Variants in TMEM181 observed in about 807,000 individuals in gnomAD.
TMEM181 encodes transmembrane protein 181, also known as G protein-coupled receptor 178.
A neutral mutation model predicts 71.9 loss-of-function variants in TMEM181; 39 were observed. That is an observed-to-expected ratio of 0.54 (90% CI 0.42 to 0.71). TMEM181 has a LOEUF of 0.71. TMEM181 is among the 30% of genes least tolerant of loss of function. The pLI is 0.00. For synonymous variants in TMEM181, 245 were observed against 228.8 expected, an observed-to-expected ratio of 1.07 and a Z score of -0.64; for missense variants, 595 against 583.0, an observed-to-expected ratio of 1.02 and a Z score of -0.21.
At chr6:158,537,275 CCG>C (rs1288783015) in intron 1 of TMEM181, among the ~76,000 whole-genome samples, 1 of 152,086 alleles carries the variant, frequency 6.6e-6, no homozygotes, top group Non-Finnish European at 1.5e-5. Flanking sequence ...GGGGAGGCGA[CCG>C]CGCGCGCTGC....
chr6:158,601,747 A>G (rs1309450428), intron 6 of TMEM181, among the ~76,000 whole-genome samples: 3 of 150,704 alleles, frequency 2.0e-5, no homozygotes, highest in Non-Finnish European at 4.4e-5. Context: ...TGGCAGAGCA[A>G]GACTGTCTCA....
intron 7 of TMEM181, among the ~76,000 whole-genome samples, chr6:158,605,974 C>G (rs921599188): frequency 6.6e-6 from 1 of 152,190 alleles, no homozygotes; most frequent in Non-Finnish European, 1.5e-5. Flanking sequence ...GGCGTTCTGC[C>G]TGCATCAGCT....
intron 1 of TMEM181, among the ~76,000 whole-genome samples, chr6:158,563,988 G>A (rs938560130): frequency 2.6e-5 from 4 of 152,214 alleles, no homozygotes; most frequent in Admixed American, 2.6e-4. Flanking sequence ...ATGTTGGCCA[G>A]GCTGGTCTTG....
At position 158,585,366 on chromosome 6, in the gene TMEM181, A is replaced by G. The variant is rs371922418; in HGVS notation, c.322A>G (p.Thr108Ala). The stretch of plus-strand genomic sequence containing the variant: ...AGTCGATGGTGTAGCTCAAGATGGA[A>G]CCACGATGTACATTCATAACAAAGT... ...VKVDGVAQDG[T>A]TMYIHNKVHN... is the part of the protein sequence containing the mutation. The change falls in exon 5 of 17, where the codon ACC (threonine) becomes GCC (alanine). Residue 108 changes from threonine to alanine, a missense_variant. Thr to Ala is a moderately conservative substitution (Grantham distance 58). Coordinates refer to ENST00000684151, the MANE Select transcript of TMEM181 (RefSeq NM_001376852.1). 3.7e-6 allele frequency: 6 copies of G among 1,612,380 alleles called. No homozygotes were observed. The highest frequency in any genetic ancestry group is 5.1e-6 in the Non-Finnish European group (6 of 1,179,728).
intron 6 of TMEM181, among the ~76,000 whole-genome samples, chr6:158,591,147 A>C (rs1784087535): frequency 6.6e-6 from 1 of 152,162 alleles, no homozygotes; most frequent in Admixed American, 6.5e-5. Flanking sequence ...GCTGTTGTGA[A>C]CTACACAAAA....
chr6:158,599,279 C>T (rs769937530), intron 6 of TMEM181, among the ~76,000 whole-genome samples: 5 of 152,254 alleles, frequency 3.3e-5, no homozygotes, highest in Admixed American at 1.3e-4. Flanking sequence ...GATGGATGGG[C>T]GCATGGGAGA....
At position 158,620,176 on chromosome 6, in the gene TMEM181, T is replaced by C. The variant is rs1785876303; in HGVS notation, c.897-3374T>C. Reference sequence around the variant, plus strand: ...AGCCCAGAGGGGAGGCGTGGGAATGTGGGATGGTTTGGCACCATGTGGGCT... The same window carrying C: ...AGCCCAGAGGGGAGGCGTGGGAATGCGGGATGGTTTGGCACCATGTGGGCT... On this transcript the variant is annotated intron_variant, in intron 10 of 16. Transcript: ENST00000684151. The surrounding 1 kb of genome is among the most constrained non-coding windows in gnomAD (Gnocchi z 4.5). Among the ~76,000 whole-genome samples the C allele has an allele frequency of 6.6e-6, 1 of 152,062 alleles. No homozygotes were observed. The highest frequency in any genetic ancestry group is 1.5e-5 in the Non-Finnish European group (1 of 67,988).
intron 10 of TMEM181, among the ~76,000 whole-genome samples, chr6:158,611,976 A>ACC (rs55849301): frequency 0.027 from 3,506 of 130,218 alleles, 55 homozygotes; most frequent in Non-Finnish European, 0.039. Context: ...CTGCAGGGAT[A>ACC]CCCCCCCCAC....
At chr6:158,557,224 A>AT (rs1781928002), upstream of TMEM181, among the ~76,000 whole-genome samples, 4 of 152,126 alleles carry the variant, frequency 2.6e-5, no homozygotes, top group Admixed American at 2.6e-4. Context: ...AAAATACAAA[A>AT]TTAGCTGGTT....
chr6:158,550,292 G>A (rs945835995), intron 1 of TMEM181, among the ~76,000 whole-genome samples: 9 of 151,538 alleles, frequency 5.9e-5, no homozygotes, highest in Middle Eastern at 6.8e-3. Flanking sequence ...TGATCTGCCC[G>A]CCATGGCCTC....
intron 15 of TMEM181, 38 bp downstream of exon 15, chr6:158,629,857 C>A (rs2278612): frequency 1.3e-6 from 2 of 1,556,038 alleles, no homozygotes; most frequent in African/African-American, 1.4e-5. Context: ...GGCCAGTTAG[C>A]GGGCACAGAG....
intron 2 of TMEM181, among the ~76,000 whole-genome samples, chr6:158,578,590 T>C (rs1245838564): frequency 5.9e-5 from 9 of 152,186 alleles, no homozygotes; most frequent in South Asian, 2.1e-4. Flanking sequence ...GGAGCTGTTA[T>C]AGGTGCAGAA....
intron 15 of TMEM181, among the ~76,000 whole-genome samples, chr6:158,630,120 C>T (rs1432371042): frequency 3.9e-5 from 6 of 152,224 alleles, no homozygotes; most frequent in African/African-American, 1.4e-4. Context: ...AAGCAATGCA[C>T]ATTCAGGAGA....
intron 1 of TMEM181, among the ~76,000 whole-genome samples, chr6:158,547,155 G>A (rs1388222246): frequency 6.6e-6 from 1 of 152,178 alleles, no homozygotes; most frequent in Non-Finnish European, 1.5e-5. Context: ...GGTGGCATGT[G>A]CCTGTAGTCC....
chr6:158,575,393 A>G (rs1783100249), intron 2 of TMEM181, among the ~76,000 whole-genome samples: 1 of 152,028 alleles, frequency 6.6e-6, no homozygotes, highest in African/African-American at 2.4e-5. Flanking sequence ...CAGTGGTGCA[A>G]TCTTGGCTCA....
chr6:158,571,898 C>G (rs1782871539), intron 1 of TMEM181, among the ~76,000 whole-genome samples: 1 of 152,238 alleles, frequency 6.6e-6, no homozygotes, highest in Non-Finnish European at 1.5e-5. Flanking sequence ...GAGGTCATTC[C>G]TATGGCTCCT....
intron 1 of TMEM181, among the ~76,000 whole-genome samples, chr6:158,548,723 C>CT (rs774782344): frequency 1.3e-3 from 193 of 152,358 alleles, no homozygotes; most frequent in Non-Finnish European, 2.0e-3. Context: ...GGCTTGGTGT[C>CT]TTTCTCTACC....
intron 1 of TMEM181, among the ~76,000 whole-genome samples, chr6:158,550,733 G>A (rs578248475): frequency 1.3e-5 from 2 of 151,990 alleles, no homozygotes; most frequent in Non-Finnish European, 2.9e-5. Flanking sequence ...GTAATTTCAT[G>A]GAACAAAGTT....
rs1284283268 is a variant in TMEM181 at position 158,632,177 on chromosome 6, G to A, written c.*289G>A. The A allele has an allele frequency of 9.4e-6, 4 of 427,010 alleles. No homozygotes were observed. The highest frequency in any genetic ancestry group is 4.0e-5 in the African/African-American group (2 of 50,158). 26.5% of individuals were successfully genotyped at this position (427,010 alleles called of 1,614,324 possible). A position where few individuals can be genotyped will look rare whatever the true frequency, so the allele number is the denominator to read the frequency against. On this transcript the variant is annotated 3_prime_UTR_variant, in exon 17 of 17. Transcript: ENST00000684151. ...GTTTTCAGTGATGAGGAAATTTCAC[G>A]TTTTTAGTACAGTGAATTATGTACT...
Sources: gnomAD v4.1 joint callset for allele counts (sites outside exome capture counted in the v4.1 genomes callset) on GRCh38, gnomAD v4.1.1 for gene constraint, Gnocchi (gnomAD v3.1) non-coding constraint, MANE v1.5 for transcripts, NCBI Gene and HGNC (gene_info 2026-07-23, HGNC 2026-07-21) for gene names.